POPDC3: variants seen among roughly 807,000 people sequenced by gnomAD.
POPDC3 encodes the protein popeye domain-containing protein 3.
POPDC3 carries 20 observed loss-of-function variants against 28.2 expected under a neutral mutation model. The observed-to-expected ratio is 0.71, with a 90% CI of 0.50 to 1.03. POPDC3 has a LOEUF of 1.03. POPDC3 is among the 50% of genes least tolerant of loss of function. The pLI, the probability that POPDC3 is intolerant of heterozygous loss-of-function variation, is 0.00. For synonymous variants in POPDC3, 118 were observed against 124.1 expected, an observed-to-expected ratio of 0.95 and a Z score of 0.33; for missense variants, 316 against 345.9, an observed-to-expected ratio of 0.91 and a Z score of 0.69.
At position 105,158,322 on chromosome 6, in the gene POPDC3, A is replaced by G. The variant is rs1304558955; in HGVS notation, c.*148T>C. 3.3e-6 allele frequency: 2 copies of G among 608,724 alleles called. No homozygotes were observed. The highest frequency in any genetic ancestry group is 5.4e-6 in the Non-Finnish European group (2 of 371,884). 37.7% of individuals were successfully genotyped at this position (608,724 alleles called of 1,614,324 possible). ...AAGTTTATTCACAATGCAGTTGTTGAAAGGAATAAAACAGTTGGCAATGGC... is the reference window on the plus strand; with the variant it reads ...AAGTTTATTCACAATGCAGTTGTTGGAAGGAATAAAACAGTTGGCAATGGC... On this transcript the variant is annotated 3_prime_UTR_variant, in exon 4 of 4. Coordinates refer to ENST00000254765, the MANE Select transcript of POPDC3 (RefSeq NM_022361.5).
chr6:105,179,245 C>A, intron 1 of POPDC3: 3 of 985,344 alleles, frequency 3.0e-6, no homozygotes, highest in Non-Finnish European at 3.6e-6. Flanking sequence ...AACAGGTCCG[C>A]GCGACCTTTG....
chr6:105,175,755 T>C (rs1774671717), intron 1 of POPDC3, among the ~76,000 whole-genome samples: 1 of 151,994 alleles, frequency 6.6e-6, no homozygotes, highest in African/African-American at 2.4e-5. Context: ...GGCAGGGATA[T>C]TGCTTGAATC....
intron 1 of POPDC3, among the ~76,000 whole-genome samples, chr6:105,162,596 G>C (rs1344845457): frequency 1.3e-5 from 2 of 152,330 alleles, no homozygotes; most frequent in East Asian, 3.9e-4. Context: ...CCCAGGCGTG[G>C]TGGCGTGCGC....
rs535384973 is a variant in POPDC3, at chr6:105,159,729, T to C, written c.576A>G (p.Thr192=). 6.2e-7 allele frequency: 1 copy of C among 1,610,016 alleles called. No homozygotes were observed. Among genetic ancestry groups the C allele is most frequent in the African/African-American group, 1.3e-5 (1 of 74,964 alleles). The change falls in exon 3 of 4, where the codon ACA becomes ACG. Residue 192 remains threonine, a synonymous_variant. Coordinates refer to ENST00000254765, the MANE Select transcript of POPDC3 (RefSeq NM_022361.5). ...DSPEWDSLRP[T]EEGIFQVTLT... The stretch of plus-strand genomic sequence containing the variant: ...CCCTTACCTGAAAAATGCCTTCCTC[T>C]GTGGGTCTCAGTGAATCCCACTCAG...
intron 1 of POPDC3, among the ~76,000 whole-genome samples, chr6:105,173,548 T>G (rs1774623524): frequency 6.6e-6 from 1 of 152,170 alleles, no homozygotes; most frequent in Admixed American, 6.5e-5. Context: ...CCAAAAATAC[T>G]GGGGGCAGGA....
At chr6:105,173,952 G>T (rs543534517) in intron 1 of POPDC3, among the ~76,000 whole-genome samples, 2 of 152,040 alleles carry the variant, frequency 1.3e-5, no homozygotes, top group East Asian at 3.8e-4. Flanking sequence ...AATTGATACA[G>T]AACTTAACAA....
chr6:105,176,051 A>AAAT (rs1427637296), intron 1 of POPDC3, among the ~76,000 whole-genome samples: 1 of 152,222 alleles, frequency 6.6e-6, no homozygotes. Context: ...AAGAATGAAG[A>AAAT]AATACTGATG....
intron 1 of POPDC3, chr6:105,178,625 G>T: frequency 1.9e-6 from 1 of 534,748 alleles, no homozygotes; most frequent in Non-Finnish European, 2.4e-6. Flanking sequence ...TTTCAGGACA[G>T]AACCTCAGAG....
chr6:105,159,084 TCTGAAGA>T (rs1363394265), intron 3 of POPDC3: 2 of 206,646 alleles, frequency 9.7e-6, no homozygotes, highest in Admixed American at 5.4e-5. Flanking sequence ...CCAAGTCACT[TCTGAAGA>T]CTGTGGACAT....
intron 1 of POPDC3, among the ~76,000 whole-genome samples, chr6:105,166,280 T>C (rs1774453369): frequency 6.6e-6 from 1 of 152,142 alleles, no homozygotes; most frequent in Non-Finnish European, 1.5e-5. Context: ...GTGGCAGAAC[T>C]GAATTAAGAC....
chr6:105,167,334 G>T (rs1774478248), intron 1 of POPDC3, among the ~76,000 whole-genome samples: 1 of 152,186 alleles, frequency 6.6e-6, no homozygotes, highest in South Asian at 2.1e-4. Context: ...AAGGGAGAGA[G>T]ATTTAGCAGT....
rs1472413115 is a variant in POPDC3, at chr6:105,158,708, C to A, written c.638G>T (p.Arg213Met). Residue 213 changes from arginine (R) to methionine (M), a missense_variant, in exon 4 of 4, where the codon AGG becomes ATG. Arg to Met is a moderately conservative substitution (Grantham distance 91). Transcript: ENST00000254765. ...AETDCRYVSW[R>M]RKKLYLLFAQ... ...AAAGAGCAGATATAATTTCTTTCTCCTCCAAGACACATATCGACAATCAGT... is the reference window on the plus strand; with the variant it reads ...AAAGAGCAGATATAATTTCTTTCTCATCCAAGACACATATCGACAATCAGT... 6.2e-7 allele frequency: 1 copy of A among 1,613,872 alleles called. No homozygotes were observed. Among genetic ancestry groups the A allele is most frequent in the Non-Finnish European group, 8.5e-7 (1 of 1,179,848 alleles).
chr6:105,169,424 T>C (rs1774528701), intron 1 of POPDC3: 1 of 152,232 alleles, frequency 6.6e-6, no homozygotes, highest in African/African-American at 2.4e-5. Flanking sequence ...TTTGAACACA[T>C]GGGCAACTTC....
chr6:105,161,312 A>C, intron 2 of POPDC3, 113 bp downstream of exon 2: 1 of 1,142,288 alleles, frequency 8.8e-7, no homozygotes, highest in Non-Finnish European at 1.2e-6. Context: ...CTCAAGCCTC[A>C]GGGTGCTAAA....
intron 1 of POPDC3, among the ~76,000 whole-genome samples, chr6:105,170,746 A>G (rs887933440): frequency 6.6e-6 from 1 of 152,236 alleles, no homozygotes; most frequent in African/African-American, 2.4e-5. Flanking sequence ...AGGGCTCACA[A>G]GAAAATGGGG....
chr6:105,162,986 A>T (rs1774376583), intron 1 of POPDC3, among the ~76,000 whole-genome samples: 1 of 152,166 alleles, frequency 6.6e-6, no homozygotes, highest in Non-Finnish European at 1.5e-5. Context: ...GCAGAGCAGA[A>T]CTTTGGCGCT....
intron 1 of POPDC3, chr6:105,166,605 G>C (rs1269644830): frequency 6.4e-6 from 3 of 471,208 alleles, no homozygotes; most frequent in Admixed American, 4.7e-5. Context: ...TCGGTGAAAA[G>C]ACGTTTTCCT....
In POPDC3 at chr6:105,169,262, T is replaced by C. The variant is rs370753694; in HGVS notation, c.-251-7102A>G. On this transcript the variant is annotated intron_variant, in intron 1 of 3. Transcript: ENST00000254765. ...ACACTCAATCCTTGCTAGATTTAAA[T>C]CAGGAAAATCAGCTGAGAATCATTC... The C allele has an allele frequency of 2.0e-5, 3 of 152,296 alleles. No homozygotes were observed. The East Asian group carries it at 5.8e-4, about 29-fold the overall frequency. The allele number at this position is 152,296 out of a possible 1,614,324, so 9.4% of individuals were successfully genotyped here.
At chr6:105,167,943 C>T (rs1398608595) in intron 1 of POPDC3, among the ~76,000 whole-genome samples, 2 of 152,012 alleles carry the variant, frequency 1.3e-5, no homozygotes, top group African/African-American at 4.8e-5. Context: ...TAGAGTCTCT[C>T]AAGTAACAGA....
Sources: gnomAD v4.1 joint callset for allele counts (sites outside exome capture counted in the v4.1 genomes callset) on GRCh38, gnomAD v4.1.1 for gene constraint, MANE v1.5 for transcripts, NCBI Gene and HGNC (gene_info 2026-07-23, HGNC 2026-07-21) for gene names.